Variants in PHACTR2 observed in about 807,000 individuals in gnomAD.
The protein encoded by PHACTR2 is chromosome 6 open reading frame 56.
In PHACTR2, 30 loss-of-function variants were observed where a neutral mutation model predicts 76.0. The observed-to-expected ratio is 0.39, with a 90% CI of 0.30 to 0.54. The LOEUF is 0.54. PHACTR2 is among the 20% of genes least tolerant of loss of function. The pLI is 0.61. For missense variants in PHACTR2, 696 were observed against 781.1 expected (o/e 0.89, Z 1.30); for synonymous variants, 292 against 292.5 (o/e 1.00, Z 0.02).
chr6:143,805,370 T>C (rs1355321929), intron 11 of PHACTR2, among the ~76,000 whole-genome samples: 1 of 150,870 alleles, frequency 6.6e-6, no homozygotes, highest in Non-Finnish European at 1.5e-5. Flanking sequence ...TCCCAGCTGC[T>C]CGGGAGGCTG....
In PHACTR2 at chr6:143,783,695, G is replaced by T. The variant is rs908073406; in HGVS notation, c.1707+415G>T. On this transcript the variant is annotated intron_variant, in intron 10 of 12. Transcript: ENST00000440869. This position sits in a 1 kb window ranked among gnomAD's most constrained non-coding sequence, Gnocchi z 5.2. The stretch of plus-strand genomic sequence containing the variant: ...TGAGTGATGTTTCTGATTGTGTGTT[G>T]TGCTAATTTTGAATAATTAACAAGG... Among the ~76,000 whole-genome samples, 1 of 152,144 alleles carries T rather than the reference G, an allele frequency of 6.6e-6. No homozygotes were observed. The highest frequency in any genetic ancestry group is 2.4e-5 in the African/African-American group (1 of 41,446).
At chr6:143,559,725 T>C (rs953739364) in intron 1 of PHACTR2, among the ~76,000 whole-genome samples, 1 of 57,388 alleles carries the variant, frequency 1.7e-5, no homozygotes, top group Non-Finnish European at 3.8e-5. Flanking sequence ...TTTTTTTTTT[T>C]TGGAGACAGA....
At chr6:143,773,398 TA>T (rs1472439223) in intron 7 of PHACTR2, among the ~76,000 whole-genome samples, 3 of 152,180 alleles carry the variant, frequency 2.0e-5, no homozygotes, top group Non-Finnish European at 2.9e-5. Flanking sequence ...AAAGTGCTTT[TA>T]TTTTTTTTTA....
Position 143,589,389 on chromosome 6 carries a change from G to T in PHACTR2, c.217+52182G>T, listed in dbSNP as rs1487537855. Among the ~76,000 whole-genome samples, 4 of 152,194 alleles carry T rather than the reference G, an allele frequency of 2.6e-5. No individual in the cohort carries two copies. In the East Asian group the frequency reaches 7.7e-4, roughly 29 times the overall value. On this transcript the variant is annotated intron_variant, in intron 1 of 11. Coordinates refer to the PHACTR2 transcript ENST00000367584. This position sits in a 1 kb window ranked among gnomAD's most constrained non-coding sequence, Gnocchi z 4.4. ...GCTCTCTTCCTCCTGCTCCAGCCATGTAAGACGTGCCTGCTTCCTCTTTGC... is the reference window on the plus strand; with the variant it reads ...GCTCTCTTCCTCCTGCTCCAGCCATTTAAGACGTGCCTGCTTCCTCTTTGC...
rs1464426938 is a variant in PHACTR2 at position 143,672,477 on chromosome 6, C to CA, written c.14-39532dup. Among the ~76,000 whole-genome samples, 3 of 151,666 alleles carry CA rather than the reference C, an allele frequency of 2.0e-5. No individual in the cohort carries two copies. The highest frequency in any genetic ancestry group is 2.9e-5 in the Non-Finnish European group (2 of 67,874). On this transcript the variant is annotated intron_variant, in intron 1 of 11. Coordinates refer to the PHACTR2 transcript ENST00000305766. The surrounding 1 kb of genome is among the most constrained non-coding windows in gnomAD (Gnocchi z 5.8). ...CGCTGTCTCAAAAACAAAAAACAAA[C>CA]AAAAAAAGCTGCAAGCAATAAACAA...
At chr6:143,620,750 A>C (rs150436738) in intron 1 of PHACTR2, among the ~76,000 whole-genome samples, 448 of 152,344 alleles carry the variant, frequency 2.9e-3, no homozygotes, top group Non-Finnish European at 4.0e-3. Flanking sequence ...TGTGATTTCC[A>C]TTGGCTTTTA....
chr6:143,714,292 C>T (rs10484828), intron 2 of PHACTR2, among the ~76,000 whole-genome samples: 13,387 of 152,262 alleles, frequency 0.088, 745 homozygotes, highest in South Asian at 0.17. Context: ...TTCTCTTAAA[C>T]TCCTGGGTTG....
chr6:143,600,299 T>C (rs1315852968), intron 1 of PHACTR2, among the ~76,000 whole-genome samples: 1 of 152,214 alleles, frequency 6.6e-6, no homozygotes, highest in Non-Finnish European at 1.5e-5. Flanking sequence ...GACTCATCCA[T>C]AAGCAGCTGT....
rs1218397154 is a variant in PHACTR2 at position 143,672,065 on chromosome 6, G to A, written c.14-39951G>A. Among the ~76,000 whole-genome samples, 1 of 152,108 alleles carries A rather than the reference G, an allele frequency of 6.6e-6. No individual in the cohort carries two copies. The highest frequency in any genetic ancestry group is 1.5e-5 in the Non-Finnish European group (1 of 68,020). On this transcript the variant is annotated intron_variant, in intron 1 of 11. Coordinates refer to the PHACTR2 transcript ENST00000305766. This position sits in a 1 kb window ranked among gnomAD's most constrained non-coding sequence, Gnocchi z 5.8. Reference sequence around the variant, plus strand: ...AGGTTGGCAGTTCCCTAATGCCAAGGGTGGTACAGGGATGTGAAACAGGAA... The same window carrying A: ...AGGTTGGCAGTTCCCTAATGCCAAGAGTGGTACAGGGATGTGAAACAGGAA...
intron 2 of PHACTR2, among the ~76,000 whole-genome samples, chr6:143,744,216 G>A (rs1779004775): frequency 6.6e-6 from 1 of 152,202 alleles, no homozygotes. Context: ...GAATTAAGGA[G>A]GGAGAAGACA....
At chr6:143,810,245 TATTAAAACA>T (rs1465596783) in intron 12 of PHACTR2, among the ~76,000 whole-genome samples, 1 of 152,266 alleles carries the variant, frequency 6.6e-6, no homozygotes, top group African/African-American at 2.4e-5. Flanking sequence ...AGTTTTTCAT[TATTAAAACA>T]ATGTTGCCTT....
At chr6:143,805,855 C>T (rs1438811133) in intron 11 of PHACTR2, among the ~76,000 whole-genome samples, 3 of 152,086 alleles carry the variant, frequency 2.0e-5, no homozygotes, top group Non-Finnish European at 2.9e-5. Flanking sequence ...GGGAAAGGCT[C>T]GTGTATTGCA....
rs540135968 is a variant in PHACTR2 at position 143,597,332 on chromosome 6, G to A, written c.217+60125G>A. ...GCTTTTTTGCCTTGAGCAGTTGTAC[G>A]GAAACATAATACTGGCTTCCAGGTG... On this transcript the variant is annotated intron_variant, in intron 1 of 11. Coordinates refer to the PHACTR2 transcript ENST00000367584. This position sits in a 1 kb window ranked among gnomAD's most constrained non-coding sequence, Gnocchi z 5.7. Among the ~76,000 whole-genome samples the A allele has an allele frequency of 2.4e-4, 36 of 152,274 alleles. 1 individual carries two copies. The South Asian group carries it at 7.3e-3, about 31-fold the overall frequency.
upstream of PHACTR2, among the ~76,000 whole-genome samples, chr6:143,676,162 T>C (rs1182300978): frequency 1.3e-5 from 2 of 152,170 alleles, no homozygotes; most frequent in Non-Finnish European, 2.9e-5. The surrounding 1 kb of genome is among the most constrained non-coding windows in gnomAD (Gnocchi z 4.8). Context: ...GAAAATTGCA[T>C]AACCTGGTTA....
chr6:143,667,955 T>C (rs1014291998), intron 1 of PHACTR2, among the ~76,000 whole-genome samples: 2 of 152,234 alleles, frequency 1.3e-5, no homozygotes, highest in Non-Finnish European at 2.9e-5. Context: ...CCTTGTCTTG[T>C]GCTGGTTTTC....
At chr6:143,785,732 C>G (rs915939327) in intron 10 of PHACTR2, among the ~76,000 whole-genome samples, 2 of 152,214 alleles carry the variant, frequency 1.3e-5, no homozygotes, top group African/African-American at 4.8e-5. Flanking sequence ...TTCTTTTCAC[C>G]CACAAGCTCA....
chr6:143,696,777 T>C lies in PHACTR2; in HGVS notation c.47-15239T>C, dbSNP rs945993962. Among the ~76,000 whole-genome samples the C allele has an allele frequency of 1.3e-5, 2 of 152,248 alleles. No homozygotes were observed. Among genetic ancestry groups the C allele is most frequent in the Non-Finnish European group, 2.9e-5 (2 of 68,044 alleles). ...AAACAAAACAAACCATTTTCTTCTC[T>C]GGAAGCTTTAGTGTGGAAATACCTA... On this transcript the variant is annotated intron_variant, in intron 1 of 12. Coordinates refer to ENST00000440869, the MANE Select transcript of PHACTR2 (RefSeq NM_001100164.2). The surrounding 1 kb of genome is among the most constrained non-coding windows in gnomAD (Gnocchi z 4.1).
chr6:143,544,624 G>A (rs1193710699), intron 1 of PHACTR2, among the ~76,000 whole-genome samples: 5 of 152,136 alleles, frequency 3.3e-5, no homozygotes, highest in African/African-American at 9.7e-5. Context: ...TGGCACCTTC[G>A]CATGCTTCCA....
chr6:143,793,084 G>A lies in PHACTR2; in HGVS notation c.1845+4174G>A, dbSNP rs1775730591. ...CAAATGCAAAACTTCAGAAAGGCAGGTAGGGCCAGATAAATGAGTAAAGAT... is the reference window on the plus strand; with the variant it reads ...CAAATGCAAAACTTCAGAAAGGCAGATAGGGCCAGATAAATGAGTAAAGAT... On this transcript the variant is annotated intron_variant, in intron 11 of 12. Coordinates refer to ENST00000440869, the MANE Select transcript of PHACTR2 (RefSeq NM_001100164.2). This position sits in a 1 kb window ranked among gnomAD's most constrained non-coding sequence, Gnocchi z 4.4. 6.6e-6 allele frequency among the ~76,000 whole-genome samples: 1 copy of A among 152,168 alleles called. No individual in the cohort carries two copies. The highest frequency in any genetic ancestry group is 2.4e-5 in the African/African-American group (1 of 41,440).
Sources: allele counts gnomAD v4.1 joint callset (sites outside exome capture counted in the v4.1 genomes callset), GRCh38; gene constraint gnomAD v4.1.1; non-coding constraint Gnocchi (gnomAD v3.1); transcripts MANE v1.5; gene names NCBI Gene and HGNC (gene_info 2026-07-23, HGNC 2026-07-21).